MORN5: variants seen among roughly 807,000 people sequenced by gnomAD.
MORN5 encodes the protein MORN repeat-containing protein 5.
MORN5 carries 21 observed loss-of-function variants against 22.1 expected under a neutral mutation model. The observed-to-expected ratio is 0.95, with a 90% CI of 0.67 to 1.37. The LOEUF is 1.37. MORN5 is among the 40% of genes most tolerant of loss of function. The pLI, the probability that MORN5 is intolerant of heterozygous loss-of-function variation, is 0.00. For missense variants in MORN5, 211 were observed against 215.1 expected, an observed-to-expected ratio of 0.98 and a Z score of 0.12; for synonymous variants, 73 against 74.0, an observed-to-expected ratio of 0.99 and a Z score of 0.07.
chr9:122,166,712 A>G (rs753748990), intron 1 of MORN5, 56 bp from the exon 2 acceptor site: 1 of 1,543,454 alleles, frequency 6.5e-7, no homozygotes, highest in Non-Finnish European at 8.9e-7. Context: ...GTTGCCTGCC[A>G]GCTCTGATCC....
intron 4 of MORN5, among the ~76,000 whole-genome samples, chr9:122,185,835 C>T (rs577207716): frequency 8.5e-5 from 13 of 152,282 alleles, no homozygotes; most frequent in African/African-American, 2.9e-4. Context: ...CACTGCTGGC[C>T]GGAACTCCTT....
rs1289921537 is a variant in MORN5, at chr9:122,166,845, G to A, written c.125G>A (p.Gly42Asp). The change falls in exon 2 of 5, where the codon GGC (glycine) becomes GAC (aspartate). Residue 42 changes from glycine (G) to aspartate (D), a missense_variant. By Grantham distance (94) the Gly-to-Asp change is moderately conservative. Transcript: ENST00000373764. ...VGEMKDGMFH[G>D]EGTLYFPSGS... ...GAAATGAAGGATGGCATGTTTCACGGCGAGGGAACCCTGTACTTCCCCAGC... is the reference window on the plus strand; with the variant it reads ...GAAATGAAGGATGGCATGTTTCACGACGAGGGAACCCTGTACTTCCCCAGC... The A allele has an allele frequency of 6.2e-7, 1 of 1,613,956 alleles. No homozygotes were observed. The highest frequency in any genetic ancestry group is 1.3e-5 in the African/African-American group (1 of 74,994).
At position 122,189,053 on chromosome 9, in the gene MORN5, G is replaced by A. The variant is rs142602981; in HGVS notation, c.440-10832G>A. 5.3e-3 allele frequency among the ~76,000 whole-genome samples: 809 copies of A among 152,210 alleles called. 1 individual carries two copies. The highest frequency in any genetic ancestry group is 0.01 in the Middle Eastern group (3 of 294). ...CTACTAAAAATACAAAAATTAGCCC[G>A]GTGTGGTGGCGGGTGCCTGTAATCC... On this transcript the variant is annotated intron_variant, in intron 4 of 4. Coordinates refer to ENST00000373764, the MANE Select transcript of MORN5 (RefSeq NM_198469.4).
At chr9:122,171,109 A>T (rs1475999507) in intron 3 of MORN5, among the ~76,000 whole-genome samples, 1 of 152,234 alleles carries the variant, frequency 6.6e-6, no homozygotes, top group East Asian at 1.9e-4. Flanking sequence ...TTAGCTTATG[A>T]GAGACCATGA....
chr9:122,173,582 G>A lies in MORN5; in HGVS notation c.308-914G>A, dbSNP rs1459970010. On this transcript the variant is annotated intron_variant, in intron 3 of 4. Transcript: ENST00000373764. The stretch of plus-strand genomic sequence containing the variant: ...TCCAGCTCTCAGTCTAGAGAACAAG[G>A]AATTACAGGAACTATAGTTAGAAGG... Among the ~76,000 whole-genome samples the A allele has an allele frequency of 3.9e-5, 6 of 152,162 alleles. No individual in the cohort carries two copies. In the East Asian group the frequency reaches 7.7e-4, roughly 20 times the overall value.
In MORN5 at chr9:122,197,516, C is replaced by T. The variant is rs538858963; in HGVS notation, c.440-2369C>T. On this transcript the variant is annotated intron_variant, in intron 4 of 4. Transcript: ENST00000373764. The surrounding 1 kb of genome is among the most constrained non-coding windows in gnomAD (Gnocchi z 5.7). ...CAGGGCCAGGGGAGCCGCAGAGAGG[C>T]GCAGGGGAGGCGGAGGGAGGGGTTG... Among the ~76,000 whole-genome samples, 10 of 152,168 alleles carry T rather than the reference C, an allele frequency of 6.6e-5. No homozygotes were observed. The highest frequency in any genetic ancestry group is 1.2e-4 in the African/African-American group (5 of 41,540).
At chr9:122,172,979 C>T (rs16911515) in intron 3 of MORN5, among the ~76,000 whole-genome samples, 7,684 of 152,224 alleles carry the variant, frequency 0.05, 656 homozygotes, top group African/African-American at 0.18. Context: ...TCACTCCTCC[C>T]GAATTAGTTA....
At chr9:122,187,855 G>C (rs1409314828) in intron 4 of MORN5, among the ~76,000 whole-genome samples, 2 of 152,234 alleles carry the variant, frequency 1.3e-5, no homozygotes, top group African/African-American at 4.8e-5. Flanking sequence ...AAGAGCATCA[G>C]TGTGTCCCAA....
intron 3 of MORN5, among the ~76,000 whole-genome samples, chr9:122,173,597 T>C (rs1829398156): frequency 6.6e-6 from 1 of 152,226 alleles, no homozygotes; most frequent in South Asian, 2.1e-4. Context: ...ACAGGAACTA[T>C]AGTTAGAAGG....
At chr9:122,168,380 G>T (rs1352891780) in intron 2 of MORN5, among the ~76,000 whole-genome samples, 2 of 152,144 alleles carry the variant, frequency 1.3e-5, no homozygotes, top group African/African-American at 4.8e-5. Flanking sequence ...ATATACAGAA[G>T]TTTCTGTGTA....
intron 4 of MORN5, among the ~76,000 whole-genome samples, chr9:122,180,910 T>G (rs1275521463): frequency 1.3e-5 from 2 of 152,224 alleles, no homozygotes; most frequent in African/African-American, 2.4e-5. Flanking sequence ...GCATCTCACA[T>G]GAGTCCCATG....
intron 1 of MORN5, among the ~76,000 whole-genome samples, chr9:122,166,373 C>A (rs562006130): frequency 1.3e-5 from 2 of 151,968 alleles, no homozygotes; most frequent in African/African-American, 4.8e-5. Flanking sequence ...GCATAATAGG[C>A]AAGGATGGGT....
intron 4 of MORN5, among the ~76,000 whole-genome samples, chr9:122,195,118 G>C (rs1017101918): frequency 6.6e-6 from 1 of 152,124 alleles, no homozygotes; most frequent in African/African-American, 2.4e-5. Context: ...TGGATGTCTG[G>C]GTCTGTGAAG....
intron 4 of MORN5, among the ~76,000 whole-genome samples, chr9:122,182,663 A>G (rs1412196636): frequency 6.6e-6 from 1 of 152,196 alleles, no homozygotes; most frequent in Non-Finnish European, 1.5e-5. Context: ...AGGCAGGAGA[A>G]TTGCTTGAAC....
intron 4 of MORN5, among the ~76,000 whole-genome samples, chr9:122,187,194 C>T (rs1052812496): frequency 2.0e-5 from 3 of 152,256 alleles, no homozygotes; most frequent in African/African-American, 7.2e-5. Context: ...GATCCTTTTA[C>T]ACCCAGGGTG....
intron 4 of MORN5, 102 bp downstream of exon 4, chr9:122,174,729 T>A (rs748521355): frequency 5.6e-6 from 9 of 1,601,480 alleles, no homozygotes; most frequent in Non-Finnish European, 6.8e-6. Flanking sequence ...AGAAAGAAGC[T>A]TTTGCTGATA....
chr9:122,178,668 C>A (rs954383345), intron 4 of MORN5, among the ~76,000 whole-genome samples: 39 of 152,184 alleles, frequency 2.6e-4, no homozygotes, highest in African/African-American at 9.4e-4. Flanking sequence ...CATTATTCAT[C>A]CCAGGTTCCA....
intron 2 of MORN5, 104 bp downstream of exon 2, chr9:122,167,019 A>T: frequency 1.9e-6 from 2 of 1,071,822 alleles, no homozygotes; most frequent in South Asian, 2.0e-5. Flanking sequence ...ACCTTGTTCC[A>T]TTCACTCTTC....
chr9:122,190,681 A>C (rs538040503), intron 4 of MORN5, among the ~76,000 whole-genome samples: 18 of 152,356 alleles, frequency 1.2e-4, no homozygotes, highest in Non-Finnish European at 7.3e-5. Context: ...GAGCAGGCCC[A>C]AGGCCTTCCA....
Sources: allele counts gnomAD v4.1 joint callset (sites outside exome capture counted in the v4.1 genomes callset), GRCh38; gene constraint gnomAD v4.1.1; non-coding constraint Gnocchi (gnomAD v3.1); transcripts MANE v1.5; gene names NCBI Gene and HGNC (gene_info 2026-07-23, HGNC 2026-07-21).